FSD1L: variants seen among roughly 807,000 people sequenced by gnomAD.
FSD1L encodes fibronectin type III and SPRY domain containing 1 like.
FSD1L carries 45 observed loss-of-function variants against 71.6 expected under a neutral mutation model. The ratio of observed to expected loss-of-function variants is 0.63; its 90% CI spans 0.49 to 0.81. The LOEUF is 0.81. Among genes scored for constraint, FSD1L ranks in the 30% least tolerant of loss-of-function variants. FSD1L has a pLI of 0.00. For missense variants in FSD1L, 561 were observed against 618.1 expected, an observed-to-expected ratio of 0.91 and a Z score of 0.98; for synonymous variants, 197 against 207.2, an observed-to-expected ratio of 0.95 and a Z score of 0.42.
At chr9:105,450,995 G>C (rs754989604) in intron 1 of FSD1L, among the ~76,000 whole-genome samples, 6 of 151,730 alleles carry the variant, frequency 4.0e-5, no homozygotes, top group African/African-American at 1.5e-4. Context: ...CTCGCTCTGT[G>C]GCCCAGGCTG....
chr9:105,474,171 A>G (rs567208781), intron 5 of FSD1L, among the ~76,000 whole-genome samples: 1 of 152,196 alleles, frequency 6.6e-6, no homozygotes, highest in Non-Finnish European at 1.5e-5. Flanking sequence ...TGTATTGTAT[A>G]GTCTGTTGCT....
intron 10 of FSD1L, among the ~76,000 whole-genome samples, chr9:105,518,144 C>T (rs1834855704): frequency 6.6e-6 from 1 of 152,162 alleles, no homozygotes; most frequent in Non-Finnish European, 1.5e-5. Context: ...AACACAGGAG[C>T]ACCCAGATTC....
Position 105,485,472 on chromosome 9 carries a change from C to T in FSD1L, c.586+970C>T, listed in dbSNP as rs192100504. Among the ~76,000 whole-genome samples, 1,001 of 150,174 alleles carry T rather than the reference C, an allele frequency of 6.7e-3. 5 individuals are homozygous for T. The highest frequency in any genetic ancestry group is 0.012 in the Non-Finnish European group (803 of 67,682). On this transcript the variant is annotated intron_variant, in intron 7 of 13. Coordinates refer to ENST00000481272, the MANE Select transcript of FSD1L (RefSeq NM_001145313.3). ...CAACACTGCCATATTGGTGACCAAACTTCAACATGAGTTTGCTGGGGACAA... is the reference window on the plus strand; with the variant it reads ...CAACACTGCCATATTGGTGACCAAATTTCAACATGAGTTTGCTGGGGACAA...
chr9:105,517,995 A>G (rs1834842627), intron 10 of FSD1L, among the ~76,000 whole-genome samples: 2 of 152,196 alleles, frequency 1.3e-5, no homozygotes. Context: ...AGCAGAAAAA[A>G]GCAGGAGTTG....
intron 4 of FSD1L, among the ~76,000 whole-genome samples, chr9:105,471,317 T>C (rs1020282406): frequency 5.3e-5 from 8 of 152,168 alleles, no homozygotes; most frequent in African/African-American, 1.9e-4. Flanking sequence ...TAGTGCCTCA[T>C]TGATATCTGT....
upstream of FSD1L, among the ~76,000 whole-genome samples, chr9:105,445,847 T>G (rs1829630387): frequency 6.6e-6 from 1 of 152,132 alleles, no homozygotes; most frequent in Admixed American, 6.5e-5. Context: ...CTCTCTTCCC[T>G]TGGTACTAAG....
chr9:105,534,333 G>A (rs1836122345), intron 10 of FSD1L, among the ~76,000 whole-genome samples, 160 bp from the exon 11 acceptor site: 1 of 152,082 alleles, frequency 6.6e-6, no homozygotes, highest in South Asian at 2.1e-4. Flanking sequence ...ATAATTGACA[G>A]CGCTCTTTAA....
chr9:105,450,164 T>C (rs917411147), intron 1 of FSD1L, among the ~76,000 whole-genome samples: 1 of 152,218 alleles, frequency 6.6e-6, no homozygotes, highest in Non-Finnish European at 1.5e-5. Context: ...CAAATAGTAA[T>C]GATCTAAGCT....
chr9:105,448,384 G>A, intron 1 of FSD1L, 149 bp downstream of exon 1: 1 of 679,600 alleles, frequency 1.5e-6, no homozygotes, highest in Non-Finnish European at 2.2e-6. Context: ...CCGCCCGGCC[G>A]CTCTCTGGGC....
intron 10 of FSD1L, chr9:105,526,015 C>G (rs1835484456): frequency 9.2e-6 from 14 of 1,524,586 alleles, no homozygotes; most frequent in Non-Finnish European, 1.8e-6. Context: ...AGGAATTATT[C>G]CCACAGAATT....
At chr9:105,483,925 A>G (rs909257058) in intron 6 of FSD1L, among the ~76,000 whole-genome samples, 2 of 152,164 alleles carry the variant, frequency 1.3e-5, no homozygotes, top group African/African-American at 4.8e-5. Flanking sequence ...TTGAGGGTAC[A>G]TGGGATAGCT....
In FSD1L at chr9:105,479,462, T is replaced by C; in HGVS notation, c.464+86T>C. The C allele has an allele frequency of 3.3e-6, 4 of 1,218,106 alleles. No individual in the cohort carries two copies. The South Asian group carries it at 5.7e-5, about 17-fold the overall frequency. 75.5% of individuals were successfully genotyped at this position (1,218,106 alleles called of 1,614,324 possible). A position where few individuals can be genotyped will look rare whatever the true frequency, so the allele number is the denominator to read the frequency against. On this transcript the variant is annotated intron_variant, in intron 6 of 13. Transcript: ENST00000481272. Reference sequence around the variant, plus strand: ...AAATAGTTTTTTAATTAAAATTGTGTTAGTTAAGATAAAAGTACCCAATGA... The same window carrying C: ...AAATAGTTTTTTAATTAAAATTGTGCTAGTTAAGATAAAAGTACCCAATGA...
At chr9:105,512,772 A>C in intron 9 of FSD1L, 35 bp from the exon 10 acceptor site, 1 of 1,235,786 alleles carries the variant, frequency 8.1e-7, no homozygotes, top group Non-Finnish European at 1.1e-6. Context: ...GATATGCTAT[A>C]TTTTAAAAAT....
intron 5 of FSD1L, among the ~76,000 whole-genome samples, chr9:105,474,573 G>A (rs978203570): frequency 1.3e-5 from 2 of 152,218 alleles, no homozygotes; most frequent in African/African-American, 2.4e-5. Flanking sequence ...TGAATAGGGA[G>A]AGATGACTTT....
intron 7 of FSD1L, among the ~76,000 whole-genome samples, chr9:105,499,875 C>G (rs531335817): frequency 1.3e-5 from 2 of 152,254 alleles, no homozygotes; most frequent in South Asian, 4.2e-4. Flanking sequence ...GGGGTTTCTT[C>G]CAATCTTTTT....
chr9:105,523,830 A>G, intron 10 of FSD1L: 1 of 1,598,816 alleles, frequency 6.3e-7, no homozygotes, highest in South Asian at 1.1e-5. Context: ...TACAATCATC[A>G]AACACTGCTC....
rs1050355843 is a variant in FSD1L, at chr9:105,550,908, G to A, written c.*4425G>A. 3 of 152,010 alleles carry A rather than the reference G, an allele frequency of 2.0e-5. No individual in the cohort carries two copies. The highest frequency in any genetic ancestry group is 4.4e-5 in the Non-Finnish European group (3 of 67,956). 9.4% of individuals were successfully genotyped at this position (152,010 alleles called of 1,614,324 possible). A position where few individuals can be genotyped will look rare whatever the true frequency, so the allele number is the denominator to read the frequency against. Reference sequence around the variant, plus strand: ...CTTTTCTTAGTGGTACCCATTCAATGTAAGCTGGTCCATGGGAATGGACAT... The same window carrying A: ...CTTTTCTTAGTGGTACCCATTCAATATAAGCTGGTCCATGGGAATGGACAT... On this transcript the variant is annotated 3_prime_UTR_variant, in exon 14 of 14. Coordinates refer to ENST00000481272, the MANE Select transcript of FSD1L (RefSeq NM_001145313.3).
At chr9:105,444,960 A>G (rs758667427), upstream of FSD1L, among the ~76,000 whole-genome samples, 1 of 152,234 alleles carries the variant, frequency 6.6e-6, no homozygotes, top group Non-Finnish European at 1.5e-5. Flanking sequence ...AGAAGTTATG[A>G]GGTGATGTGG....
At chr9:105,525,634 C>G (rs892664948) in intron 10 of FSD1L, 3 of 1,612,060 alleles carry the variant, frequency 1.9e-6, no homozygotes, top group Admixed American at 1.7e-5. Context: ...ACTTAGAGAA[C>G]TTAGGAACTT....
Sources: allele counts gnomAD v4.1 joint callset (sites outside exome capture counted in the v4.1 genomes callset), GRCh38; gene constraint gnomAD v4.1.1; transcripts MANE v1.5; gene names NCBI Gene and HGNC (gene_info 2026-07-23, HGNC 2026-07-21).